The following MACROD2 variants were observed in gnomAD, a reference collection of about 807,000 sequenced individuals.
MACROD2 encodes the protein ADP-ribose glycohydrolase MACROD2.
MACROD2 carries 36 observed loss-of-function variants against 70.4 expected under a neutral mutation model. The observed-to-expected ratio is 0.51, with a 90% CI of 0.39 to 0.68. MACROD2 has a LOEUF of 0.68. Among genes scored for constraint, MACROD2 ranks in the 30% least tolerant of loss-of-function variants. The probability of loss-of-function intolerance (pLI) is 0.00; values close to 1 mark genes in which losing one functional copy is unlikely to be tolerated. For synonymous variants in MACROD2, 172 were observed against 178.8 expected (o/e 0.96, Z 0.30); for missense variants, 496 against 538.4 (o/e 0.92, Z 0.78).
intron 3 of MACROD2, among the ~76,000 whole-genome samples, chr20:14,279,080 G>A (rs2082283012): frequency 1.3e-5 from 2 of 152,104 alleles, no homozygotes; most frequent in African/African-American, 4.8e-5. Flanking sequence ...GCAGGGCAGG[G>A]GAGAATATCA....
chr20:15,943,616 T>C (rs555155751), intron 12 of MACROD2, among the ~76,000 whole-genome samples: 2 of 152,146 alleles, frequency 1.3e-5, no homozygotes, highest in Non-Finnish European at 2.9e-5. Flanking sequence ...ACACAATGCT[T>C]TACATTTATA....
intron 8 of MACROD2, among the ~76,000 whole-genome samples, chr20:15,501,557 A>G (rs763599392): frequency 9.2e-5 from 14 of 152,160 alleles, no homozygotes; most frequent in Admixed American, 9.2e-4. Context: ...TCACTTGCCT[A>G]CCCTATCTTT....
intron 3 of MACROD2, among the ~76,000 whole-genome samples, chr20:14,492,163 T>A (rs1403387057): frequency 6.6e-6 from 1 of 152,150 alleles, no homozygotes; most frequent in Non-Finnish European, 1.5e-5. Flanking sequence ...TATCACACAC[T>A]TACATGTGGT....
intron 5 of MACROD2, among the ~76,000 whole-genome samples, chr20:14,848,288 A>G (rs558975442): frequency 5.3e-5 from 8 of 152,258 alleles, no homozygotes; most frequent in Admixed American, 2.6e-4. Context: ...TTCTGCATAC[A>G]TATACTCTTG....
At chr20:14,079,243 C>T (rs952600755) in intron 2 of MACROD2, among the ~76,000 whole-genome samples, 4 of 152,156 alleles carry the variant, frequency 2.6e-5, no homozygotes, top group African/African-American at 9.7e-5. Context: ...ATGCCAGGTA[C>T]TCTGGGGTAT....
At chr20:14,084,900 A>G in intron 2 of MACROD2, among the ~76,000 whole-genome samples, 1 of 151,792 alleles carries the variant, frequency 6.6e-6, no homozygotes, top group East Asian at 1.9e-4. Context: ...AGGTGGGCAG[A>G]TCACTTGAGG....
Position 14,326,712 on chromosome 20 carries a change from A to C in MACROD2, c.272-166767A>C. On this transcript the variant is annotated intron_variant, in intron 3 of 17. Coordinates refer to ENST00000684519, the MANE Select transcript of MACROD2 (RefSeq NM_001351661.2). The surrounding 1 kb of genome is among the most constrained non-coding windows in gnomAD (Gnocchi z 5.5). ...AGAGCTGCCTTAGATAAGAAAAAGC[A>C]TTTGGGGGCACCCGATTGATGTGGT... The C allele has an allele frequency of 6.2e-7, 1 of 1,613,750 alleles. No homozygotes were observed. Among genetic ancestry groups the C allele is most frequent in the Non-Finnish European group, 8.5e-7 (1 of 1,179,818 alleles).
intron 8 of MACROD2, among the ~76,000 whole-genome samples, chr20:15,805,291 G>A (rs1016362843): frequency 1.1e-4 from 17 of 152,058 alleles, no homozygotes; most frequent in African/African-American, 1.9e-4. Flanking sequence ...AGAGAAGGGC[G>A]TGTTGTTAAA....
chr20:14,324,585 G>A (rs892200614), intron 3 of MACROD2: 1 of 151,910 alleles, frequency 6.6e-6, no homozygotes, highest in Non-Finnish European at 1.5e-5. Context: ...GAGGGGAATC[G>A]CTTATAATTA....
At chr20:14,392,823 C>A (rs925768089) in intron 3 of MACROD2, among the ~76,000 whole-genome samples, 6 of 152,108 alleles carry the variant, frequency 3.9e-5, no homozygotes, top group Admixed American at 2.0e-4. Flanking sequence ...ATGCATGCCT[C>A]TTAAGCTGAC....
intron 5 of MACROD2, among the ~76,000 whole-genome samples, chr20:15,158,590 G>A (rs1407776671): frequency 1.3e-5 from 2 of 152,096 alleles, no homozygotes; most frequent in Non-Finnish European, 2.9e-5. Context: ...AGATTAGGAG[G>A]TCAATGACAT....
intron 6 of MACROD2, among the ~76,000 whole-genome samples, chr20:15,251,139 A>C (rs2077152199): frequency 6.6e-6 from 1 of 152,158 alleles, no homozygotes; most frequent in South Asian, 2.1e-4. Flanking sequence ...TAGGTTTCCG[A>C]AAAAAGGGGT....
chr20:15,745,813 C>T (rs113768838), intron 8 of MACROD2, among the ~76,000 whole-genome samples: 1,633 of 152,166 alleles, frequency 0.011, 25 homozygotes, highest in African/African-American at 0.036. Context: ...AAAAGACTGA[C>T]CTTTCCCCAT....
intron 5 of MACROD2, among the ~76,000 whole-genome samples, chr20:14,730,230 T>G (rs6105314): frequency 0.011 from 1,651 of 152,004 alleles, 24 homozygotes; most frequent in African/African-American, 0.038. Context: ...ATAAAATGGG[T>G]AAGAATTTTC....
chr20:15,109,822 C>A (rs1183554312), intron 5 of MACROD2, among the ~76,000 whole-genome samples: 1 of 152,046 alleles, frequency 6.6e-6, no homozygotes, highest in Non-Finnish European at 1.5e-5. Flanking sequence ...TTGTTTAAAT[C>A]AAATATGCCA....
chr20:14,218,166 A>G (rs1251874806), intron 3 of MACROD2, among the ~76,000 whole-genome samples: 1 of 152,158 alleles, frequency 6.6e-6, no homozygotes, highest in Non-Finnish European at 1.5e-5. Context: ...TAGGTCTATT[A>G]GTAATTGTCT....
chr20:14,339,056 G>A (rs988037585), intron 3 of MACROD2, among the ~76,000 whole-genome samples: 2 of 152,136 alleles, frequency 1.3e-5, no homozygotes, highest in Non-Finnish European at 2.9e-5. Context: ...TCTGAAGAAG[G>A]CCAGCTAATA....
At chr20:14,600,614 A>G (rs1346220623) in intron 4 of MACROD2, among the ~76,000 whole-genome samples, 5 of 152,166 alleles carry the variant, frequency 3.3e-5, no homozygotes, top group Non-Finnish European at 5.9e-5. Context: ...TTTTCATTTT[A>G]CAGGTGAGGA....
chr20:14,016,565 G>A (rs942233308), intron 2 of MACROD2, among the ~76,000 whole-genome samples: 1 of 152,052 alleles, frequency 6.6e-6, no homozygotes, highest in Non-Finnish European at 1.5e-5. Flanking sequence ...GATCCATTTT[G>A]TATTAAGTTT....
Sources: allele counts gnomAD v4.1 joint callset (sites outside exome capture counted in the v4.1 genomes callset), GRCh38; gene constraint gnomAD v4.1.1; non-coding constraint Gnocchi (gnomAD v3.1); transcripts MANE v1.5; gene names NCBI Gene and HGNC (gene_info 2026-07-23, HGNC 2026-07-21).